ADGRB3: variants seen among roughly 807,000 people sequenced by gnomAD.
The protein encoded by ADGRB3 is brain-specific angiogenesis inhibitor 3.
Under a neutral mutation model 193.4 loss-of-function variants are expected in ADGRB3, and 37 were observed. The ratio of observed to expected loss-of-function variants is 0.19; its 90% CI spans 0.15 to 0.25. The LOEUF (loss-of-function observed/expected upper bound fraction) is 0.25, where lower values mean the gene tolerates loss of function less well. ADGRB3 is among the 10% of genes least tolerant of loss of function. The pLI, the probability that ADGRB3 is intolerant of heterozygous loss-of-function variation, is 1.00. For missense variants in ADGRB3, 1,637 were observed against 1,852.9 expected (o/e 0.88, Z 2.14); for synonymous variants, 690 against 644.2 (o/e 1.07, Z -1.08).
At chr6:68,744,253 G>T (rs1350904669) in intron 3 of ADGRB3, among the ~76,000 whole-genome samples, 2 of 152,024 alleles carry the variant, frequency 1.3e-5, no homozygotes, top group Non-Finnish European at 2.9e-5. Flanking sequence ...AAACAGAGAG[G>T]ATGTGAAGAA....
At chr6:69,223,267 A>G (rs1437260127) in intron 17 of ADGRB3, among the ~76,000 whole-genome samples, 2 of 152,202 alleles carry the variant, frequency 1.3e-5, no homozygotes, top group Non-Finnish European at 2.9e-5. Flanking sequence ...TTAACTCAAG[A>G]GTTAAAATTT....
intron 3 of ADGRB3, among the ~76,000 whole-genome samples, chr6:68,876,048 C>A (rs1765585966): frequency 6.6e-6 from 1 of 151,864 alleles, no homozygotes; most frequent in Admixed American, 6.6e-5. Flanking sequence ...CATTTATATT[C>A]ATATATAATT....
At chr6:68,732,908 A>T (rs1330642296) in intron 3 of ADGRB3, among the ~76,000 whole-genome samples, 1 of 151,860 alleles carries the variant, frequency 6.6e-6, no homozygotes, top group African/African-American at 2.4e-5. Flanking sequence ...CCTGGACCCC[A>T]CTCCAGAGTT....
intron 29 of ADGRB3, among the ~76,000 whole-genome samples, chr6:69,366,730 A>G (rs1769576400): frequency 1.3e-5 from 2 of 152,104 alleles, no homozygotes; most frequent in Non-Finnish European, 2.9e-5. Context: ...ACCTGCTTAA[A>G]CAAATTCTCT....
chr6:69,297,745 A>G (rs1230023987), intron 20 of ADGRB3, among the ~76,000 whole-genome samples: 1 of 152,086 alleles, frequency 6.6e-6, no homozygotes, highest in African/African-American at 2.4e-5. Flanking sequence ...AAAAGCACCT[A>G]TAGTTGCACT....
chr6:69,215,163 A>G (rs556574156), intron 17 of ADGRB3, among the ~76,000 whole-genome samples: 4 of 152,320 alleles, frequency 2.6e-5, no homozygotes, highest in East Asian at 3.9e-4. Context: ...CAGTAGATGC[A>G]GTGTCACAAA....
At chr6:68,783,647 G>GAA (rs2127362409) in intron 3 of ADGRB3, among the ~76,000 whole-genome samples, 1 of 151,892 alleles carries the variant, frequency 6.6e-6, no homozygotes, top group South Asian at 2.1e-4. Context: ...TTTCATAAGA[G>GAA]AAAAGCCTAG....
intron 17 of ADGRB3, among the ~76,000 whole-genome samples, chr6:69,174,525 G>A (rs1307684494): frequency 6.6e-6 from 1 of 152,170 alleles, no homozygotes; most frequent in Non-Finnish European, 1.5e-5. Context: ...TTGATTCCAT[G>A]TCTTTGCTAT....
At chr6:68,684,994 A>G (rs1394433719) in intron 3 of ADGRB3, among the ~76,000 whole-genome samples, 2 of 152,102 alleles carry the variant, frequency 1.3e-5, no homozygotes, top group African/African-American at 4.8e-5. Flanking sequence ...ATTTACCTTC[A>G]GGGAAAGACT....
intron 3 of ADGRB3, among the ~76,000 whole-genome samples, chr6:68,829,932 T>G (rs1255992477): frequency 6.6e-6 from 1 of 151,960 alleles, no homozygotes; most frequent in Non-Finnish European, 1.5e-5. Context: ...TAAAAATGAG[T>G]GTTTGAAATA....
chr6:68,897,504 GGAA>G (rs1766257659), intron 3 of ADGRB3, among the ~76,000 whole-genome samples: 1 of 10,820 alleles, frequency 9.2e-5, no homozygotes, highest in Non-Finnish European at 2.2e-4. Flanking sequence ...GGAGGGAAGA[GGAA>G]GGAAGGAAGG....
chr6:69,320,714 C>T (rs1768432349), intron 20 of ADGRB3, among the ~76,000 whole-genome samples: 1 of 151,512 alleles, frequency 6.6e-6, no homozygotes, highest in Admixed American at 6.6e-5. Context: ...CAATCTGATT[C>T]TGATTTCTTC....
At chr6:69,237,103 G>A (rs1421573039) in intron 19 of ADGRB3, among the ~76,000 whole-genome samples, 6 of 151,850 alleles carry the variant, frequency 4.0e-5, no homozygotes, top group African/African-American at 7.3e-5. Flanking sequence ...TAGAAACTTC[G>A]AGAACTGAAA....
intron 8 of ADGRB3, among the ~76,000 whole-genome samples, chr6:68,957,173 C>T (rs1768099507): frequency 6.6e-6 from 1 of 152,180 alleles, no homozygotes; most frequent in African/African-American, 2.4e-5. Context: ...TCTACATTTA[C>T]TTGCGTTTGC....
chr6:68,965,445 G>GTT (rs66575626), intron 8 of ADGRB3, among the ~76,000 whole-genome samples: 192 of 148,748 alleles, frequency 1.3e-3, no homozygotes, highest in Non-Finnish European at 2.1e-3. Context: ...AGTAGTACAT[G>GTT]TTTTTTTTTT....
At chr6:68,972,063 A>G (rs1309448007) in intron 8 of ADGRB3, among the ~76,000 whole-genome samples, 1 of 152,110 alleles carries the variant, frequency 6.6e-6, no homozygotes, top group Non-Finnish European at 1.5e-5. Flanking sequence ...AACCTTTGGG[A>G]CCAGTGTGGG....
intron 3 of ADGRB3, among the ~76,000 whole-genome samples, chr6:68,655,272 C>T (rs927865753): frequency 1.3e-5 from 2 of 151,588 alleles, no homozygotes; most frequent in Non-Finnish European, 3.0e-5. Flanking sequence ...CTTTTACACA[C>T]TTCTCTAAAC....
intron 20 of ADGRB3, among the ~76,000 whole-genome samples, chr6:69,316,877 G>T (rs540874409): frequency 6.6e-5 from 10 of 151,642 alleles, no homozygotes; most frequent in Non-Finnish European, 1.3e-4. Flanking sequence ...CGGTTGGTTG[G>T]TTGGTTGGTT....
chr6:69,387,985 T>G (rs1229078413), intron 31 of ADGRB3, among the ~76,000 whole-genome samples: 3 of 152,012 alleles, frequency 2.0e-5, no homozygotes, highest in African/African-American at 7.2e-5. Context: ...AAATAGAAAT[T>G]GAGAGCTAAT....
Sources: gnomAD v4.1 joint callset for allele counts (sites outside exome capture counted in the v4.1 genomes callset) on GRCh38, gnomAD v4.1.1 for gene constraint, MANE v1.5 for transcripts, NCBI Gene and HGNC (gene_info 2026-07-23, HGNC 2026-07-21) for gene names.